Variants in ACADS observed in about 807,000 individuals in gnomAD.
The protein encoded by ACADS is short-chain specific acyl-CoA dehydrogenase, mitochondrial.
In ACADS, 28 loss-of-function variants were observed where a neutral mutation model predicts 46.8. The ratio of observed to expected loss-of-function variants is 0.60; its 90% CI spans 0.44 to 0.82. The LOEUF is 0.82. Among genes scored for constraint, ACADS ranks in the 40% least tolerant of loss-of-function variants. The pLI is 0.00. For missense variants in ACADS, 528 were observed against 578.0 expected, an observed-to-expected ratio of 0.91 and a Z score of 0.89; for synonymous variants, 236 against 237.7, an observed-to-expected ratio of 0.99 and a Z score of 0.07.
At chr12:120,737,810 C>T (rs750635952) in intron 4 of ACADS, 27 bp from the exon 5 acceptor site, 9 of 1,613,230 alleles carry the variant, frequency 5.6e-6, no homozygotes, top group African/African-American at 4.0e-5. Flanking sequence ...GTGGGGCGTG[C>T]GCTGAGCCCT....
rs1359036336 is a variant in ACADS, at chr12:120,728,257, G to A, written c.210+1068G>A. Among the ~76,000 whole-genome samples, 1 of 151,936 alleles carries A rather than the reference G, an allele frequency of 6.6e-6. No individual in the cohort carries two copies. The highest frequency in any genetic ancestry group is 1.9e-4 in the East Asian group (1 of 5,138). Reference sequence around the variant, plus strand: ...CCACCGTGCCCGGCCTGCTTGAACTGTTTTCTCCCCTGAGTTTCCCATCAG... The same window carrying A: ...CCACCGTGCCCGGCCTGCTTGAACTATTTTCTCCCCTGAGTTTCCCATCAG... On this transcript the variant is annotated intron_variant, in intron 2 of 9. Transcript: ENST00000242592. This position sits in a 1 kb window ranked among gnomAD's most constrained non-coding sequence, Gnocchi z 4.0.
In ACADS at chr12:120,738,547, G is replaced by T; in HGVS notation, c.810G>T (p.Met270Ile). 1 of 1,610,336 alleles carries T rather than the reference G, an allele frequency of 6.2e-7. No homozygotes were observed. Reference sequence around the variant, plus strand: ...GGTCCCCACAGCAAACCCTGGACATGGGCCGCATCGGCATCGCCTCCCAGG... The same window carrying T: ...GGTCCCCACAGCAAACCCTGGACATTGGCCGCATCGGCATCGCCTCCCAGG... ...GFKIAMQTLD[M>I]GRIGIASQAL... Residue 270 changes from methionine (M) to isoleucine (I), a missense_variant, in exon 7 of 10, where the codon ATG (methionine) becomes ATT (isoleucine). Met to Ile is a conservative substitution (Grantham distance 10, BLOSUM62 1). Coordinates refer to ENST00000242592, the MANE Select transcript of ACADS (RefSeq NM_000017.4).
At chr12:120,733,067 C>T (rs1331467588) in intron 2 of ACADS, among the ~76,000 whole-genome samples, 5 of 152,112 alleles carry the variant, frequency 3.3e-5, no homozygotes, top group African/African-American at 1.2e-4. Context: ...CAAAAAAATA[C>T]GAAAACCAGT....
rs1456338396 is a variant in ACADS at position 120,725,854 on chromosome 12, G to A, written c.-32G>A. ...CCGGAACAGCGCGCTCGCAGCGGGA[G>A]GTCGCGAAGCCTGGGACTGTGTCTG... is the stretch of plus-strand genomic sequence containing the variant. On this transcript the variant is annotated 5_prime_UTR_variant, in exon 1 of 10. Transcript: ENST00000242592. 10 of 1,534,292 alleles carry A rather than the reference G, an allele frequency of 6.5e-6. No homozygotes were observed. Among genetic ancestry groups the A allele is most frequent in the Non-Finnish European group, 7.8e-6 (9 of 1,147,942 alleles).
rs369400082 is a variant in ACADS at position 120,737,059 on chromosome 12, A to T, written c.284A>T (p.Tyr95Phe). 9 of 1,605,800 alleles carry T rather than the reference A, an allele frequency of 5.6e-6. No individual in the cohort carries two copies. The highest frequency in any genetic ancestry group is 7.6e-6 in the Non-Finnish European group (9 of 1,176,544). Reference sequence around the variant, plus strand: ...GAGCTTGGCGGTGCTGGCCTCGATTACCTGGCCTACGCCATCGCCATGGAG... The same window carrying T: ...GAGCTTGGCGGTGCTGGCCTCGATTTCCTGGCCTACGCCATCGCCATGGAG... ...PEELGGAGLD[Y>F]LAYAIAMEEI... Residue 95 changes from tyrosine (Y) to phenylalanine (F), a missense_variant, in exon 3 of 10, where the codon TAC (tyrosine) becomes TTC (phenylalanine). By Grantham distance (22) the Tyr-to-Phe change is conservative. Transcript: ENST00000242592.
intron 2 of ACADS, among the ~76,000 whole-genome samples, chr12:120,727,979 G>A (rs1211476137): frequency 6.6e-6 from 1 of 151,596 alleles, no homozygotes; most frequent in Non-Finnish European, 1.5e-5. Context: ...ATGGACTCTC[G>A]CTCTGTTGCC....
chr12:120,727,157 G>A lies in ACADS; in HGVS notation c.178G>A (p.Val60Met). The A allele has an allele frequency of 1.2e-6, 2 of 1,614,216 alleles. No individual in the cohort carries two copies. The highest frequency in any genetic ancestry group is 1.7e-6 in the Non-Finnish European group (2 of 1,180,038). The stretch of plus-strand genomic sequence containing the variant: ...GGAGTTGTTTCCCATTGCAGCCCAG[G>A]TGGATAAGGAACATCTCTTCCCAGC... ...EKELFPIAAQ[V>M]DKEHLFPAAQ... is the part of the protein sequence containing the mutation. Residue 60 changes from valine to methionine, a missense_variant, in exon 2 of 10, where the codon GTG (valine) becomes ATG (methionine). Physicochemically the swap from Val to Met is conservative, Grantham distance 21 (BLOSUM62 1). Transcript: ENST00000242592.
At chr12:120,737,292 G>C in intron 3 of ACADS, 64 bp from the exon 4 acceptor site, 4 of 1,550,992 alleles carry the variant, frequency 2.6e-6, no homozygotes, top group Non-Finnish European at 3.5e-6. Flanking sequence ...CTGAGGTGCA[G>C]CCCGCAGGTG....
chr12:120,729,411 C>T (rs1232832297), intron 2 of ACADS, among the ~76,000 whole-genome samples: 2 of 152,018 alleles, frequency 1.3e-5, no homozygotes, highest in East Asian at 3.9e-4. Flanking sequence ...GTGCCCGCCA[C>T]CATGCCTGGC....
intron 2 of ACADS, among the ~76,000 whole-genome samples, chr12:120,729,123 G>GA (rs1883177851): frequency 6.6e-6 from 1 of 152,294 alleles, no homozygotes; most frequent in East Asian, 1.9e-4. Flanking sequence ...CCTCTCTGTA[G>GA]AAAATACTAA....
At chr12:120,733,408 T>C (rs1266726561) in intron 2 of ACADS, among the ~76,000 whole-genome samples, 1 of 152,170 alleles carries the variant, frequency 6.6e-6, no homozygotes, top group African/African-American at 2.4e-5. Flanking sequence ...CAAAGTACTC[T>C]GAAGTGTGGG....
At position 120,728,928 on chromosome 12, in the gene ACADS, G is replaced by A. The variant is rs987863960; in HGVS notation, c.210+1739G>A. ...TGCCTTGTCTGTCACTGCTGGGAAA[G>A]GGGTCTTACAGTTTCTTACGGTTTC... is the stretch of plus-strand genomic sequence containing the variant. On this transcript the variant is annotated intron_variant, in intron 2 of 9. Transcript: ENST00000242592. The surrounding 1 kb of genome is among the most constrained non-coding windows in gnomAD (Gnocchi z 4.0). Among the ~76,000 whole-genome samples the A allele has an allele frequency of 6.6e-6, 1 of 152,230 alleles. No individual in the cohort carries two copies. The highest frequency in any genetic ancestry group is 1.5e-5 in the Non-Finnish European group (1 of 68,042).
intron 2 of ACADS, among the ~76,000 whole-genome samples, chr12:120,731,463 T>G (rs529434237): frequency 1.0e-3 from 153 of 150,306 alleles, no homozygotes; most frequent in African/African-American, 3.7e-3. Context: ...TAGTTTTTTT[T>G]TTTTTTTTTG....
chr12:120,734,579 C>A (rs1007051349), intron 2 of ACADS, among the ~76,000 whole-genome samples: 2 of 152,164 alleles, frequency 1.3e-5, no homozygotes, highest in African/African-American at 4.8e-5. Flanking sequence ...GTGCTGCAGG[C>A]TCCTAGGTGC....
At chr12:120,732,965 A>G (rs1247891186) in intron 2 of ACADS, among the ~76,000 whole-genome samples, 1 of 152,258 alleles carries the variant, frequency 6.6e-6, no homozygotes, top group Non-Finnish European at 1.5e-5. Context: ...TCCGTCTGCA[A>G]TCCCGGCACC....
At chr12:120,737,744 G>C in intron 4 of ACADS, 93 bp from the exon 5 acceptor site, 1 of 1,569,230 alleles carries the variant, frequency 6.4e-7, no homozygotes, top group Non-Finnish European at 8.7e-7. Context: ...ATAGGGTTTC[G>C]TGTCTGCCAG....
intron 3 of ACADS, 105 bp downstream of exon 3, chr12:120,737,240 CA>C (rs937204889): frequency 6.5e-7 from 1 of 1,532,148 alleles, no homozygotes; most frequent in African/African-American, 1.4e-5. Flanking sequence ...GGAGACGTCA[CA>C]GGCCTTGGTC....
At chr12:120,733,350 C>T (rs1192812817) in intron 2 of ACADS, among the ~76,000 whole-genome samples, 2 of 151,862 alleles carry the variant, frequency 1.3e-5, no homozygotes, top group Non-Finnish European at 2.9e-5. Flanking sequence ...ATCCACCTGC[C>T]TCAGCTACCA....
At position 120,725,922 on chromosome 12, in the gene ACADS, G is replaced by A. The variant is rs1883068263; in HGVS notation, c.37G>A (p.Ala13Thr). The change falls in exon 1 of 10, where the codon GCC becomes ACC. Residue 13 changes from alanine (A) to threonine (T), a missense_variant. Transcript: ENST00000242592. ...GCTGCTCGCCCGGGCCTCGGGCCCT[G>A]CCCGCAGAGGTGAGTGCGCTGGGGA... is the stretch of plus-strand genomic sequence containing the variant. ...AALLARASGPARRALCPRAWR... is the reference protein window; with the variant it reads ...AALLARASGPTRRALCPRAWR... 1 of 1,553,932 alleles carries A rather than the reference G, an allele frequency of 6.4e-7. No individual in the cohort carries two copies. Among genetic ancestry groups the A allele is most frequent in the Non-Finnish European group, 8.6e-7 (1 of 1,159,334 alleles).
Sources: allele counts gnomAD v4.1 joint callset (sites outside exome capture counted in the v4.1 genomes callset), GRCh38; gene constraint gnomAD v4.1.1; non-coding constraint Gnocchi (gnomAD v3.1); transcripts MANE v1.5; gene names NCBI Gene and HGNC (gene_info 2026-07-23, HGNC 2026-07-21).